PCNT: variants seen among roughly 807,000 people sequenced by gnomAD.
The protein encoded by PCNT is pericentrin.
Under a neutral mutation model 380.4 loss-of-function variants are expected in PCNT, and 319 were observed. That is an observed-to-expected ratio of 0.84 (90% CI 0.77 to 0.92). The LOEUF (loss-of-function observed/expected upper bound fraction) is 0.92, where lower values mean the gene tolerates loss of function less well. Ranked by LOEUF, PCNT falls within the 40% of genes least tolerant of loss-of-function variation. The pLI is 0.00. For missense variants in PCNT, 4,400 were observed against 4,255.3 expected (o/e 1.03, Z -0.95); for synonymous variants, 1,845 against 1,735.2 (o/e 1.06, Z -1.57).
chr21:46,416,357 A>G lies in PCNT; in HGVS notation c.6439A>G (p.Ile2147Val), dbSNP rs976371775. 12 of 1,614,024 alleles carry G rather than the reference A, an allele frequency of 7.4e-6. No individual in the cohort carries two copies. In the African/African-American group the frequency reaches 1.3e-4, roughly 18 times the overall value. The part of the protein sequence containing the change: ...GVTDVIKNQA[I>V]DACDANTTPG... ...AACTGATGTTATCAAAAATCAGGCC[A>G]TAGACGCGTGTGATGCCAATACAAC... The change falls in exon 30 of 47, where the codon ATA (isoleucine) becomes GTA (valine). Residue 2147 changes from isoleucine to valine, a missense_variant. Ile to Val is a conservative substitution (Grantham distance 29). Transcript: ENST00000359568.
intron 8 of PCNT, among the ~76,000 whole-genome samples, chr21:46,350,334 C>A (rs1431696837): frequency 6.6e-6 from 1 of 152,186 alleles, no homozygotes; most frequent in Non-Finnish European, 1.5e-5. Context: ...GAGACAGTTA[C>A]ACAAATCGCA....
At chr21:46,440,322 C>G (rs1395301243) in intron 42 of PCNT, 120 bp downstream of exon 42, 7 of 1,050,678 alleles carry the variant, frequency 6.7e-6, no homozygotes, top group Non-Finnish European at 8.8e-6. Context: ...GCAGTCACAT[C>G]ACTAAAGGAA....
chr21:46,343,115 A>G (rs945068335), intron 3 of PCNT, among the ~76,000 whole-genome samples: 3 of 152,172 alleles, frequency 2.0e-5, no homozygotes, highest in Non-Finnish European at 4.4e-5. Context: ...ATCAGCAGAC[A>G]GGGACTGTTT....
intron 39 of PCNT, among the ~76,000 whole-genome samples, chr21:46,436,689 T>A (rs1428770640): frequency 6.6e-6 from 1 of 152,156 alleles, no homozygotes; most frequent in Non-Finnish European, 1.5e-5. Flanking sequence ...TAGGACAGCA[T>A]TTTAAATCAT....
At chr21:46,363,454 C>T (rs199875024) in intron 13 of PCNT, 26 bp from the exon 14 acceptor site, 6 of 1,581,540 alleles carry the variant, frequency 3.8e-6, no homozygotes, top group East Asian at 2.2e-5. Context: ...CGTCTTTCCT[C>T]CTAAATGAAA....
chr21:46,411,837 C>G lies in PCNT; in HGVS notation c.5764C>G (p.Leu1922Val), dbSNP rs748967350. The G allele has an allele frequency of 1.9e-6, 3 of 1,562,600 alleles. No homozygotes were observed. Among genetic ancestry groups the G allele is most frequent in the Non-Finnish European group, 2.6e-6 (3 of 1,159,620 alleles). ...AGAAPPELQW[L>V]RAQCARLSRQ... ...GGCGGCGCCTCCCGAGCTGCAGTGG[C>G]TCCGAGCGCAGTGTGCCCGCCTCAG... The change falls in exon 28 of 47, where the codon CTC (leucine) becomes GTC (valine). Residue 1922 changes from leucine (L) to valine (V), a missense_variant. By Grantham distance (32) the Leu-to-Val change is conservative. Transcript: ENST00000359568.
chr21:46,347,498 G>T lies in PCNT; in HGVS notation c.1018G>T (p.Ala340Ser). 1.2e-6 allele frequency: 2 copies of T among 1,614,050 alleles called. No homozygotes were observed. Among genetic ancestry groups the T allele is most frequent in the Admixed American group, 1.7e-5 (1 of 60,014 alleles). ...GTTACAATCAGAAATGGAGAAAAAC[G>T]CCCAGATAGTAAAGGTACCCGGGAT... The part of the protein sequence containing the change: ...EKLQSEMEKN[A>S]QIVKTLKEDW... Residue 340 changes from alanine to serine, a missense_variant, in exon 6 of 47, where the codon GCC becomes TCC. Ala to Ser is a moderately conservative substitution (Grantham distance 99). Transcript: ENST00000359568.
chr21:46,394,145 G>A (rs901623334), intron 21 of PCNT, among the ~76,000 whole-genome samples: 2 of 152,186 alleles, frequency 1.3e-5, no homozygotes, highest in African/African-American at 2.4e-5. Context: ...GCCAGCTACC[G>A]GCCCTGACCA....
chr21:46,386,991 G>A (rs186662957), intron 17 of PCNT, among the ~76,000 whole-genome samples: 12 of 151,960 alleles, frequency 7.9e-5, no homozygotes, highest in African/African-American at 1.9e-4. Flanking sequence ...CACTGCTCCC[G>A]TCTGTCTGTC....
chr21:46,425,888 C>G lies in PCNT; in HGVS notation c.7237C>G (p.Leu2413Val), dbSNP rs1744026146. ...SHQILALSEG[L>V]APPSGEPHPP... is the part of the protein sequence containing the mutation. ...CCAGATCCTGGCGCTGTCAGAAGGC[C>G]TTGCACCCCCAAGCGGCGAGCCACA... The change falls in exon 33 of 47, where the codon CTT becomes GTT. Residue 2413 changes from leucine (L) to valine (V), a missense_variant. Transcript: ENST00000359568. This position sits in a 1 kb window ranked among gnomAD's most constrained non-coding sequence, Gnocchi z 4.2. 1.9e-6 allele frequency: 3 copies of G among 1,613,800 alleles called. No homozygotes were observed. The highest frequency in any genetic ancestry group is 2.5e-6 in the Non-Finnish European group (3 of 1,180,022).
rs2087477079 is a variant in PCNT, at chr21:46,425,943, A to T, written c.7292A>T (p.Asp2431Val). ...HPPRKEDEIQ[D>V]ISLHGGKTQE... ...CCCCGGAAGGAAGACGAGATACAGG[A>T]CATCTCGCTCCATGGGGGAAAGACG... Residue 2431 changes from aspartate (D) to valine (V), a missense_variant, in exon 33 of 47, where the codon GAC becomes GTC. Asp to Val is a radical substitution (Grantham distance 152). Coordinates refer to ENST00000359568, the MANE Select transcript of PCNT (RefSeq NM_006031.6). The surrounding 1 kb of genome is among the most constrained non-coding windows in gnomAD (Gnocchi z 4.2). 1.2e-6 allele frequency: 2 copies of T among 1,614,112 alleles called. No individual in the cohort carries two copies. The highest frequency in any genetic ancestry group is 1.6e-4 in the Middle Eastern group (1 of 6,062).
intron 18 of PCNT, 54 bp from the exon 19 acceptor site, chr21:46,389,145 C>G: frequency 6.4e-7 from 1 of 1,550,580 alleles, no homozygotes; most frequent in Non-Finnish European, 8.9e-7. Context: ...GCTGCCATGG[C>G]CGCGGCCGGC....
At chr21:46,366,519 C>A in intron 14 of PCNT, 65 bp from the exon 15 acceptor site, 1 of 1,420,286 alleles carries the variant, frequency 7.0e-7, no homozygotes, top group Non-Finnish European at 1.0e-6. Flanking sequence ...ACTGACTTGG[C>A]TTTTGCAAGG....
At chr21:46,374,183 C>T (rs967466563) in intron 15 of PCNT, among the ~76,000 whole-genome samples, 4 of 152,130 alleles carry the variant, frequency 2.6e-5, no homozygotes, top group Admixed American at 6.6e-5. Context: ...AGCAAGCCCC[C>T]GGTCCCGCTG....
chr21:46,347,232 C>T (rs533124904), intron 5 of PCNT, among the ~76,000 whole-genome samples: 1 of 152,290 alleles, frequency 6.6e-6, no homozygotes, highest in Non-Finnish European at 1.5e-5. Flanking sequence ...ATAGGTGCGA[C>T]CCAGGGCTGA....
intron 8 of PCNT, among the ~76,000 whole-genome samples, chr21:46,350,181 G>A (rs1203773794): frequency 6.6e-6 from 1 of 152,028 alleles, no homozygotes; most frequent in East Asian, 1.9e-4. Context: ...CGTCTCAAAA[G>A]CAAATAAATA....
chr21:46,372,958 C>T (rs1010795784), intron 15 of PCNT, among the ~76,000 whole-genome samples: 5 of 152,210 alleles, frequency 3.3e-5, no homozygotes, highest in South Asian at 2.1e-4. Flanking sequence ...AGGAGGTGTT[C>T]GTTTTCTGAA....
chr21:46,328,290 A>G (rs1217325143), intron 2 of PCNT, among the ~76,000 whole-genome samples: 5 of 147,556 alleles, frequency 3.4e-5, no homozygotes, highest in African/African-American at 1.2e-4. Flanking sequence ...TTTAAGATAC[A>G]GTCTCTCTGT....
chr21:46,409,287 C>T (rs923411846), intron 27 of PCNT, among the ~76,000 whole-genome samples: 1 of 149,922 alleles, frequency 6.7e-6, no homozygotes, highest in Admixed American at 6.7e-5. Context: ...CTCCCAGGCT[C>T]AAGCAGTCCT....
Sources: allele counts gnomAD v4.1 joint callset (sites outside exome capture counted in the v4.1 genomes callset), GRCh38; gene constraint gnomAD v4.1.1; non-coding constraint Gnocchi (gnomAD v3.1); transcripts MANE v1.5; gene names NCBI Gene and HGNC (gene_info 2026-07-23, HGNC 2026-07-21).